The following COL21A1 variants were observed in gnomAD, a reference collection of about 807,000 sequenced individuals.
The protein encoded by COL21A1 is collagen alpha-1(XXI) chain.
A neutral mutation model predicts 137.9 loss-of-function variants in COL21A1; 149 were observed. The ratio of observed to expected loss-of-function variants is 1.08; its 90% confidence interval spans 0.95 to 1.24. The LOEUF is 1.24. Ranked by LOEUF, COL21A1 falls within the 50% of genes most tolerant of loss-of-function variation. COL21A1 has a pLI of 0.00. For missense variants in COL21A1, 1,167 were observed against 1,158.4 expected, an observed-to-expected ratio of 1.01 and a Z score of -0.11; for synonymous variants, 456 against 391.5, an observed-to-expected ratio of 1.16 and a Z score of -1.95.
At chr6:56,236,595 C>T (rs1409381547) in intron 1 of COL21A1, among the ~76,000 whole-genome samples, 2 of 152,072 alleles carry the variant, frequency 1.3e-5, no homozygotes, top group African/African-American at 2.4e-5. Flanking sequence ...GCCCCATCTC[C>T]TCCATGAAGC....
chr6:56,279,078 T>C (rs1763736232), intron 1 of COL21A1, among the ~76,000 whole-genome samples: 1 of 152,140 alleles, frequency 6.6e-6, no homozygotes, highest in South Asian at 2.1e-4. Context: ...ATCACAGAGA[T>C]GTTTCTCATG....
chr6:56,124,319 A>T, intron 14 of COL21A1, 27 bp from the exon 15 acceptor site: 1 of 1,571,318 alleles, frequency 6.4e-7, no homozygotes, highest in Non-Finnish European at 8.7e-7. Flanking sequence ...CACTTAAAAC[A>T]CAATCTTTAC....
chr6:56,310,007 C>T (rs1157555236), intron 1 of COL21A1, among the ~76,000 whole-genome samples: 1 of 152,086 alleles, frequency 6.6e-6, no homozygotes, highest in Non-Finnish European at 1.5e-5. Flanking sequence ...AGACAAAAGG[C>T]TGTATTTTAT....
At chr6:56,167,499 C>T (rs534689563) in intron 6 of COL21A1, among the ~76,000 whole-genome samples, 57 of 152,214 alleles carry the variant, frequency 3.7e-4, no homozygotes, top group Admixed American at 2.1e-3. Flanking sequence ...TGTGTAAACA[C>T]GTATATGAAA....
intron 7 of COL21A1, among the ~76,000 whole-genome samples, chr6:56,165,343 T>C (rs1319442619): frequency 1.3e-5 from 2 of 152,178 alleles, no homozygotes; most frequent in African/African-American, 4.8e-5. Context: ...AAGGTTGGAT[T>C]GAAGGTGCAA....
chr6:56,131,683 G>A (rs951767496), intron 12 of COL21A1, among the ~76,000 whole-genome samples: 1 of 152,084 alleles, frequency 6.6e-6, no homozygotes, highest in Admixed American at 6.6e-5. Flanking sequence ...ATTATTAAGT[G>A]TAGAGAAGGA....
chr6:56,065,767 C>T (rs1766186570), intron 23 of COL21A1, among the ~76,000 whole-genome samples: 1 of 151,982 alleles, frequency 6.6e-6, no homozygotes, highest in East Asian at 1.9e-4. Flanking sequence ...TCAGTCAGCC[C>T]AGAAGGCATT....
rs1561986718 is a variant in COL21A1, at chr6:56,209,519, A to AACC, written c.-38-26864_-38-26863insGGT. Among the ~76,000 whole-genome samples the AACC allele has an allele frequency of 2.3e-3, 346 of 152,334 alleles. 1 individual carries two copies. The highest frequency in any genetic ancestry group is 7.7e-3 in the African/African-American group (322 of 41,576). ...GAAAACGCTTTTGCAACCAACAAGCATATGAAAAATGCTCATCATCACTGG... is the reference window on the plus strand; with the variant it reads ...GAAAACGCTTTTGCAACCAACAAGCAACCTATGAAAAATGCTCATCATCACTGG... On this transcript the variant is annotated intron_variant, in intron 1 of 29. Transcript: ENST00000244728.
chr6:56,208,119 G>T (rs1043441959), intron 1 of COL21A1, among the ~76,000 whole-genome samples: 7 of 152,022 alleles, frequency 4.6e-5, no homozygotes, highest in African/African-American at 1.7e-4. Context: ...TCTGAAAACT[G>T]GCACAAGACA....
chr6:56,344,002 T>C (rs1390973397), intron 1 of COL21A1, among the ~76,000 whole-genome samples: 1 of 152,150 alleles, frequency 6.6e-6, no homozygotes, highest in African/African-American at 2.4e-5. Context: ...TAACAATATT[T>C]GACTATTTTG....
chr6:56,065,144 T>C (rs2114059205), intron 23 of COL21A1, among the ~76,000 whole-genome samples: 1 of 152,220 alleles, frequency 6.6e-6, no homozygotes, highest in East Asian at 1.9e-4. Flanking sequence ...AACACATTTA[T>C]CTATTCAATA....
chr6:56,246,350 T>A (rs929961318), intron 1 of COL21A1, among the ~76,000 whole-genome samples: 2 of 152,220 alleles, frequency 1.3e-5, no homozygotes, highest in African/African-American at 2.4e-5. Flanking sequence ...TCATTTCAAC[T>A]TTTAGAAAAG....
chr6:56,159,324 T>C (rs1776017661), intron 9 of COL21A1, among the ~76,000 whole-genome samples: 1 of 145,528 alleles, frequency 6.9e-6, no homozygotes, highest in African/African-American at 2.6e-5. Context: ...TGTAGCAAAG[T>C]CTGAATTACA....
chr6:56,085,196 T>C (rs1768123053), intron 17 of COL21A1, among the ~76,000 whole-genome samples: 1 of 152,064 alleles, frequency 6.6e-6, no homozygotes, highest in Admixed American at 6.6e-5. Context: ...CATAAAATTT[T>C]TTAAATCTGG....
chr6:56,167,278 G>T (rs896087064), intron 6 of COL21A1, among the ~76,000 whole-genome samples: 1 of 152,206 alleles, frequency 6.6e-6, no homozygotes, highest in Non-Finnish European at 1.5e-5. Flanking sequence ...AGAGCATTTT[G>T]TCGGACACTT....
At chr6:56,319,353 T>C (rs1384815471) in intron 1 of COL21A1, among the ~76,000 whole-genome samples, 1 of 152,148 alleles carries the variant, frequency 6.6e-6, no homozygotes, top group African/African-American at 2.4e-5. Context: ...TATTTATTTG[T>C]TTGTGACGGA....
chr6:56,082,657 TA>T (rs1181005476), intron 17 of COL21A1, among the ~76,000 whole-genome samples: 3 of 146,906 alleles, frequency 2.0e-5, no homozygotes, highest in Non-Finnish European at 3.0e-5. Flanking sequence ...AAAATTCTAC[TA>T]TTTTTTTTGA....
chr6:56,119,245 A>G lies in COL21A1; in HGVS notation c.1758+4817T>C, dbSNP rs1407514378. Among the ~76,000 whole-genome samples, 3 of 152,194 alleles carry G rather than the reference A, an allele frequency of 2.0e-5. 1 individual carries two copies. The highest frequency in any genetic ancestry group is 2.0e-4 in the Admixed American group (3 of 15,284). ...GGTAAAGTTGCAGGATACAAAGTCA[A>G]CATACAAAAATCAGTAGCATCTCTA... On this transcript the variant is annotated intron_variant, in intron 16 of 29. Transcript: ENST00000244728.
At chr6:56,257,136 G>A (rs1763102636) in intron 1 of COL21A1, among the ~76,000 whole-genome samples, 1 of 152,084 alleles carries the variant, frequency 6.6e-6, no homozygotes, top group African/African-American at 2.4e-5. Flanking sequence ...GTTGAAAAAA[G>A]AGATAAAAAT....
Sources: gnomAD v4.1 joint callset for allele counts (sites outside exome capture counted in the v4.1 genomes callset) on GRCh38, gnomAD v4.1.1 for gene constraint, MANE v1.5 for transcripts, NCBI Gene and HGNC (gene_info 2026-07-23, HGNC 2026-07-21) for gene names.